Variants in MAP7 observed in about 807,000 individuals in gnomAD.
MAP7 encodes the protein ensconsin.
MAP7 carries 52 observed loss-of-function variants against 94.8 expected under a neutral mutation model. The observed-to-expected ratio is 0.55, with a 90% confidence interval of 0.44 to 0.69. The LOEUF is 0.69. MAP7 is among the 30% of genes least tolerant of loss of function. The pLI is 0.00. For synonymous variants in MAP7, 350 were observed against 357.0 expected (o/e 0.98, Z 0.22); for missense variants, 940 against 964.6 (o/e 0.97, Z 0.34).
chr6:136,425,355 C>A (rs951654847), intron 1 of MAP7, among the ~76,000 whole-genome samples: 2 of 152,182 alleles, frequency 1.3e-5, no homozygotes, highest in African/African-American at 4.8e-5. Flanking sequence ...GGGCATACAG[C>A]CCCTTTGTGG....
At chr6:136,394,234 C>T (rs1190327719) in intron 3 of MAP7, among the ~76,000 whole-genome samples, 4 of 152,144 alleles carry the variant, frequency 2.6e-5, no homozygotes, top group African/African-American at 7.2e-5. Context: ...CCACCCACCT[C>T]GGCCTCTGAA....
chr6:136,370,179 C>G (rs1313394532), intron 8 of MAP7, among the ~76,000 whole-genome samples: 1 of 152,152 alleles, frequency 6.6e-6, no homozygotes, highest in Non-Finnish European at 1.5e-5. Context: ...ATATGTTCAC[C>G]ATCACTGATC....
intron 16 of MAP7, among the ~76,000 whole-genome samples, chr6:136,355,031 C>A (rs1037317563): frequency 6.6e-6 from 1 of 152,108 alleles, no homozygotes; most frequent in Non-Finnish European, 1.5e-5. Context: ...CAAGACCAGC[C>A]TGGTTAATAT....
intron 1 of MAP7, among the ~76,000 whole-genome samples, chr6:136,544,000 C>T (rs1217027441): frequency 6.6e-6 from 1 of 152,160 alleles, no homozygotes; most frequent in Admixed American, 6.5e-5. Flanking sequence ...CGGCTCACTA[C>T]ACCCTCCGTC....
chr6:136,386,507 A>G (rs937737937), intron 5 of MAP7, among the ~76,000 whole-genome samples: 1 of 152,204 alleles, frequency 6.6e-6, no homozygotes, highest in Non-Finnish European at 1.5e-5. Flanking sequence ...CATCTCCTCA[A>G]AAATGTCTGA....
intron 1 of MAP7, among the ~76,000 whole-genome samples, chr6:136,483,649 A>G (rs1813656575): frequency 6.6e-6 from 1 of 152,206 alleles, no homozygotes; most frequent in Non-Finnish European, 1.5e-5. Context: ...ATGGAAAAAA[A>G]TTGAATGTAA....
chr6:136,419,963 A>C, intron 2 of MAP7: 1 of 676,914 alleles, frequency 1.5e-6, no homozygotes, highest in Non-Finnish European at 2.7e-6. Context: ...TTGGTTTCTG[A>C]GTGTCTGGTT....
intron 1 of MAP7, among the ~76,000 whole-genome samples, chr6:136,532,500 T>C (rs1007388461): frequency 2.0e-5 from 3 of 152,150 alleles, no homozygotes; most frequent in African/African-American, 7.2e-5. Context: ...AAGAGAAAAC[T>C]GGGACCAGGG....
At position 136,389,637 on chromosome 6, in the gene MAP7, T is replaced by C. The variant is rs1780149511; in HGVS notation, c.245-120A>G. On this transcript the variant is annotated intron_variant, in intron 3 of 17. Transcript: ENST00000354570. ...TGAACAAATATGGGTTCTTTAGTTTTGTATTAACCAAGCATGGCCTTTGCT... is the reference window on the plus strand; with the variant it reads ...TGAACAAATATGGGTTCTTTAGTTTCGTATTAACCAAGCATGGCCTTTGCT... 10 of 843,050 alleles carry C rather than the reference T, an allele frequency of 1.2e-5. No homozygotes were observed. In the East Asian group the frequency reaches 2.7e-4, roughly 22 times the overall value. 52.2% of individuals were successfully genotyped at this position (843,050 alleles called of 1,614,324 possible).
At chr6:136,493,604 G>A (rs1330603781) in intron 1 of MAP7, among the ~76,000 whole-genome samples, 2 of 152,054 alleles carry the variant, frequency 1.3e-5, no homozygotes, top group African/African-American at 4.8e-5. Flanking sequence ...TTTGAAGAAG[G>A]GAGACTAAGA....
At chr6:136,470,553 C>T (rs187740275) in intron 1 of MAP7, among the ~76,000 whole-genome samples, 85 of 152,214 alleles carry the variant, frequency 5.6e-4, no homozygotes, top group African/African-American at 2.0e-3. Context: ...TACCATGCTG[C>T]ACATTAGGTC....
chr6:136,465,081 G>A (rs560004882), intron 1 of MAP7, among the ~76,000 whole-genome samples: 3 of 152,304 alleles, frequency 2.0e-5, no homozygotes, highest in Admixed American at 6.5e-5. Context: ...CAGGGCTGCC[G>A]TATGTCGAGT....
chr6:136,536,411 C>T (rs1828893132), intron 1 of MAP7, among the ~76,000 whole-genome samples: 1 of 152,102 alleles, frequency 6.6e-6, no homozygotes, highest in South Asian at 2.1e-4. Context: ...TTTTCATATC[C>T]ATGACCTAAA....
chr6:136,436,186 T>C (rs1321073090), intron 1 of MAP7, among the ~76,000 whole-genome samples: 1 of 152,228 alleles, frequency 6.6e-6, no homozygotes, highest in African/African-American at 2.4e-5. Context: ...TGGTTAACTA[T>C]TTAGATTTTT....
At chr6:136,525,980 T>A (rs760282178) in intron 1 of MAP7, 2 of 1,150,898 alleles carry the variant, frequency 1.7e-6, no homozygotes, top group South Asian at 3.3e-5. Context: ...TGCTACTTGT[T>A]TTTTTTTTTT....
chr6:136,480,641 C>CAAAAAAAAAAAAAAA (rs769951186), intron 1 of MAP7, among the ~76,000 whole-genome samples: 1 of 20,148 alleles, frequency 5.0e-5, no homozygotes, highest in African/African-American at 2.3e-4. Flanking sequence ...GACTCTGCCT[C>CAAAAAAAAAAAAAAA]AAAAAAAAAA....
At chr6:136,521,007 C>G (rs1416436592) in intron 1 of MAP7, among the ~76,000 whole-genome samples, 1 of 152,154 alleles carries the variant, frequency 6.6e-6, no homozygotes. Context: ...ATGTAGATAA[C>G]TGAGGCAGGC....
chr6:136,429,768 AAAATAAGT>A (rs1308158333), intron 1 of MAP7, among the ~76,000 whole-genome samples: 5 of 152,238 alleles, frequency 3.3e-5, no homozygotes, highest in Non-Finnish European at 7.3e-5. Context: ...TTTTATCTAA[AAAATAAGT>A]AAATAAGTAA....
At chr6:136,459,353 T>C (rs1159183231) in intron 1 of MAP7, among the ~76,000 whole-genome samples, 1 of 151,982 alleles carries the variant, frequency 6.6e-6, no homozygotes, top group African/African-American at 2.4e-5. Context: ...GTATAAAGGT[T>C]CCTCAAAAAA....
Sources: allele counts gnomAD v4.1 joint callset (sites outside exome capture counted in the v4.1 genomes callset), GRCh38; gene constraint gnomAD v4.1.1; transcripts MANE v1.5; gene names NCBI Gene and HGNC (gene_info 2026-07-23, HGNC 2026-07-21).